Variants in CACNA2D3 observed in about 807,000 individuals in gnomAD.
CACNA2D3 encodes the protein voltage-dependent calcium channel subunit alpha-2/delta-3.
CACNA2D3 carries 60 observed loss-of-function variants against 160.6 expected under a neutral mutation model. The observed-to-expected ratio is 0.37, with a 90% CI of 0.30 to 0.46. The LOEUF is 0.46. Ranked by LOEUF, CACNA2D3 falls within the 20% of genes least tolerant of loss-of-function variation. The pLI, the probability that CACNA2D3 is intolerant of heterozygous loss-of-function variation, is 1.00. For synonymous variants in CACNA2D3, 558 were observed against 492.9 expected (o/e 1.13, Z -1.75); for missense variants, 1,205 against 1,365.0 (o/e 0.88, Z 1.85).
intron 2 of CACNA2D3, among the ~76,000 whole-genome samples, chr3:54,163,775 GC>G (rs1700394821): frequency 6.6e-6 from 1 of 152,170 alleles, no homozygotes; most frequent in South Asian, 2.1e-4. Context: ...TGGCCATGGT[GC>G]CTTGGTCCCC....
chr3:54,250,480 C>G (rs1262659941), intron 2 of CACNA2D3, among the ~76,000 whole-genome samples: 1 of 152,150 alleles, frequency 6.6e-6, no homozygotes, highest in Non-Finnish European at 1.5e-5. Flanking sequence ...GTCACCTAGA[C>G]TGGAGTGCGG....
intron 4 of CACNA2D3, among the ~76,000 whole-genome samples, chr3:54,501,456 G>C (rs1306196447): frequency 6.8e-6 from 1 of 147,246 alleles, no homozygotes; most frequent in Non-Finnish European, 1.5e-5. Context: ...ACCCAGGCTA[G>C]AGTACATTGG....
chr3:54,636,630 G>T (rs1354283388), intron 10 of CACNA2D3, among the ~76,000 whole-genome samples: 1 of 152,016 alleles, frequency 6.6e-6, no homozygotes, highest in Non-Finnish European at 1.5e-5. Flanking sequence ...GGACAGAAAG[G>T]CTACAGGGTG....
In CACNA2D3 at chr3:54,764,369, TG is replaced by T; in HGVS notation, c.1380+21del. ...ACAGCACTGTGAGTCCACGGGGCCCTGGGAAAGAGGCTAAGCTTTACCCCCA... is the reference window on the plus strand; with the variant it reads ...ACAGCACTGTGAGTCCACGGGGCCCTGGAAAGAGGCTAAGCTTTACCCCCA... On this transcript the variant is annotated intron_variant, in intron 13 of 37. Transcript: ENST00000474759. 1 of 1,613,332 alleles carries T rather than the reference TG, an allele frequency of 6.2e-7. No individual in the cohort carries two copies. Among genetic ancestry groups the T allele is most frequent in the Non-Finnish European group, 8.5e-7 (1 of 1,179,458 alleles).
intron 35 of CACNA2D3, among the ~76,000 whole-genome samples, chr3:55,069,104 A>G (rs912279796): frequency 6.6e-6 from 1 of 152,036 alleles, no homozygotes; most frequent in African/African-American, 2.4e-5. Flanking sequence ...ACCCGCTTTT[A>G]CCTATTTGTT....
At chr3:54,816,791 T>C in intron 13 of CACNA2D3, 62 bp from the exon 14 acceptor site, 5 of 1,580,148 alleles carry the variant, frequency 3.2e-6, no homozygotes, top group Non-Finnish European at 4.3e-6. Flanking sequence ...AGCTTTACCA[T>C]TAATTACTTA....
intron 31 of CACNA2D3, among the ~76,000 whole-genome samples, chr3:55,000,381 G>T (rs1702954766): frequency 6.6e-6 from 1 of 152,114 alleles, no homozygotes; most frequent in East Asian, 1.9e-4. Context: ...ATAGTATCAG[G>T]AAAGCCTCCT....
chr3:54,433,812 C>G lies in CACNA2D3; in HGVS notation c.381+47038C>G, dbSNP rs116099430. 6.1e-3 allele frequency among the ~76,000 whole-genome samples: 923 copies of G among 152,178 alleles called. 2 individuals carry two copies. Among genetic ancestry groups the G allele is most frequent in the Non-Finnish European group, 9.1e-3 (617 of 68,006 alleles). ...AAGCCTGTTCCTCCTAGACAAAGGA[C>G]GAGGAAAAGGGTGGCCTAATAGCAT... On this transcript the variant is annotated intron_variant, in intron 4 of 37. Coordinates refer to ENST00000474759, the MANE Select transcript of CACNA2D3 (RefSeq NM_018398.3).
intron 3 of CACNA2D3, among the ~76,000 whole-genome samples, chr3:54,386,319 T>C (rs1173879590): frequency 3.9e-5 from 6 of 152,202 alleles, no homozygotes; most frequent in Admixed American, 3.9e-4. Flanking sequence ...GGAAGAAAGC[T>C]AGCCCACTTA....
intron 11 of CACNA2D3, among the ~76,000 whole-genome samples, chr3:54,675,959 C>A (rs142429888): frequency 9.2e-5 from 14 of 152,274 alleles, no homozygotes; most frequent in African/African-American, 3.4e-4. Context: ...GTCTTGGGAT[C>A]GTTTTGTCTT....
rs72874265 is a variant in CACNA2D3, at chr3:54,792,965, T to C, written c.1381-23888T>C. On this transcript the variant is annotated intron_variant, in intron 13 of 37. Coordinates refer to ENST00000474759, the MANE Select transcript of CACNA2D3 (RefSeq NM_018398.3). ...CAGTGCAGGCAAAAAACTGCTGTTTTCTACAGACTCCTTTTAGATAGAACA... is the reference window on the plus strand; with the variant it reads ...CAGTGCAGGCAAAAAACTGCTGTTTCCTACAGACTCCTTTTAGATAGAACA... Among the ~76,000 whole-genome samples the C allele has an allele frequency of 3.8e-3, 585 of 152,332 alleles. 4 individuals carry two copies. Among genetic ancestry groups the C allele is most frequent in the African/African-American group, 0.013 (556 of 41,576 alleles).
chr3:54,340,350 A>G (rs1292690153), intron 3 of CACNA2D3, among the ~76,000 whole-genome samples: 1 of 152,196 alleles, frequency 6.6e-6, no homozygotes, highest in Non-Finnish European at 1.5e-5. Context: ...CCTTCTAGCC[A>G]TCCATTAATA....
intron 2 of CACNA2D3, among the ~76,000 whole-genome samples, chr3:54,268,206 C>T (rs1702556138): frequency 6.6e-6 from 1 of 152,110 alleles, no homozygotes; most frequent in Non-Finnish European, 1.5e-5. Flanking sequence ...CTACTGCTCA[C>T]GTGAAAGAAC....
chr3:54,902,070 C>T (rs186223693), intron 27 of CACNA2D3, among the ~76,000 whole-genome samples: 211 of 152,342 alleles, frequency 1.4e-3, no homozygotes, highest in African/African-American at 4.9e-3. Context: ...AGGCTTTTCT[C>T]CCATCAGTGT....
chr3:54,143,581 G>T (rs1559860973), intron 2 of CACNA2D3, among the ~76,000 whole-genome samples: 1 of 152,148 alleles, frequency 6.6e-6, no homozygotes, highest in Non-Finnish European at 1.5e-5. Flanking sequence ...CTCACTGCAA[G>T]CTCTGACTCC....
chr3:54,603,712 A>G (rs569754034), intron 9 of CACNA2D3, among the ~76,000 whole-genome samples: 51 of 152,230 alleles, frequency 3.4e-4, no homozygotes, highest in Non-Finnish European at 6.5e-4. Context: ...ATGTTTTCTC[A>G]TGTTTAAAAA....
intron 2 of CACNA2D3, among the ~76,000 whole-genome samples, chr3:54,172,054 C>G (rs938586895): frequency 1.8e-4 from 28 of 152,336 alleles, no homozygotes; most frequent in African/African-American, 6.0e-4. Context: ...ATGGATCTGT[C>G]GAGCATTTTC....
intron 17 of CACNA2D3, among the ~76,000 whole-genome samples, chr3:54,850,936 C>A (rs1699044677): frequency 6.6e-6 from 1 of 152,188 alleles, no homozygotes; most frequent in Non-Finnish European, 1.5e-5. Context: ...CACATTCATT[C>A]CTTCAACATA....
chr3:54,322,400 G>A (rs1302402292), intron 3 of CACNA2D3, among the ~76,000 whole-genome samples: 1 of 152,332 alleles, frequency 6.6e-6, no homozygotes, highest in African/African-American at 2.4e-5. Flanking sequence ...AGATGCACCA[G>A]CCCCTGTGCT....
Sources: allele counts gnomAD v4.1 joint callset (sites outside exome capture counted in the v4.1 genomes callset), GRCh38; gene constraint gnomAD v4.1.1; transcripts MANE v1.5; gene names NCBI Gene and HGNC (gene_info 2026-07-23, HGNC 2026-07-21).